Variants in AASDH observed in about 807,000 individuals in gnomAD.
The protein encoded by AASDH is beta-alanine-activating enzyme.
AASDH carries 81 observed loss-of-function variants against 102.3 expected under a neutral mutation model. That is an observed-to-expected ratio of 0.79 (90% CI 0.66 to 0.95). The LOEUF is 0.95. Ranked by LOEUF, AASDH falls within the 40% of genes least tolerant of loss-of-function variation. The probability of loss-of-function intolerance (pLI) is 0.00; values close to 1 mark genes in which losing one functional copy is unlikely to be tolerated. For missense variants in AASDH, 1,203 were observed against 1,266.2 expected, an observed-to-expected ratio of 0.95 and a Z score of 0.76; for synonymous variants, 398 against 454.0, an observed-to-expected ratio of 0.88 and a Z score of 1.57.
intron 12 of AASDH, among the ~76,000 whole-genome samples, 183 bp downstream of exon 12, chr4:56,344,944 T>C (rs12512742): frequency 0.16 from 23,195 of 145,876 alleles, 2,078 homozygotes; most frequent in Admixed American, 0.3. Flanking sequence ...TTCTTTCTTT[T>C]TTTTTTTTTT....
Position 56,354,032 on chromosome 4 carries a change from G to A in AASDH, c.1383+7C>T. The A allele has an allele frequency of 6.2e-7, 1 of 1,602,968 alleles. No homozygotes were observed. The highest frequency in any genetic ancestry group is 1.1e-5 in the South Asian group (1 of 88,212). On this transcript the variant is annotated splice_region_variant and intron_variant, in intron 8 of 14. Transcript: ENST00000205214. ...TTAATAGATATTCAATATTTAAATA[G>A]TTCTACCTGTTGCACAAGTTCAATG...
Position 56,387,389 on chromosome 4 carries a change from T to G in AASDH, c.-70A>C, listed in dbSNP as rs1053155645. 6.6e-6 allele frequency: 1 copy of G among 152,336 alleles called. No homozygotes were observed. The highest frequency in any genetic ancestry group is 2.1e-4 in the South Asian group (1 of 4,840). 9.4% of individuals were successfully genotyped at this position (152,336 alleles called of 1,614,324 possible). A position where few individuals can be genotyped will look rare whatever the true frequency, so the allele number is the denominator to read the frequency against. On this transcript the variant is annotated 5_prime_UTR_variant, in exon 1 of 15. Coordinates refer to ENST00000205214, the MANE Select transcript of AASDH (RefSeq NM_181806.4). ...AGCAAGTCTCGCGGATTAGGTTTGATCGCATTCGGCCCTTTCCCGGATAGC... is the reference window on the plus strand; with the variant it reads ...AGCAAGTCTCGCGGATTAGGTTTGAGCGCATTCGGCCCTTTCCCGGATAGC...
At chr4:56,364,884 TA>T (rs2109943441) in intron 5 of AASDH, among the ~76,000 whole-genome samples, 1 of 152,322 alleles carries the variant, frequency 6.6e-6, no homozygotes, top group African/African-American at 2.4e-5. Context: ...ACCTGAAATG[TA>T]AATGGGCTAA....
intron 1 of AASDH, among the ~76,000 whole-genome samples, chr4:56,386,442 A>G (rs1051444769): frequency 6.6e-6 from 1 of 152,236 alleles, no homozygotes; most frequent in African/African-American, 2.4e-5. Context: ...ATCACAAATA[A>G]CATTCTCTGC....
intron 2 of AASDH, among the ~76,000 whole-genome samples, chr4:56,383,453 T>G (rs1178654384): frequency 6.6e-6 from 1 of 152,194 alleles, no homozygotes; most frequent in Non-Finnish European, 1.5e-5. Context: ...GCTTTATATT[T>G]ATATAATTAA....
chr4:56,366,968 A>G (rs1201392768), intron 5 of AASDH, among the ~76,000 whole-genome samples: 1 of 152,154 alleles, frequency 6.6e-6, no homozygotes, highest in Non-Finnish European at 1.5e-5. Flanking sequence ...ATATCCAGAA[A>G]ACCCCATCGT....
intron 12 of AASDH, 99 bp downstream of exon 12, chr4:56,345,028 A>T (rs1577960775): frequency 3.1e-6 from 4 of 1,305,920 alleles, no homozygotes; most frequent in Non-Finnish European, 4.2e-6. Context: ...TGCAACCTCC[A>T]CCTCCCAGGT....
chr4:56,354,947 A>G (rs1749423222), intron 6 of AASDH, 136 bp from the exon 7 acceptor site: 1 of 852,378 alleles, frequency 1.2e-6, no homozygotes, highest in Admixed American at 3.4e-5. Flanking sequence ...ACAAGAGGAA[A>G]AGGTTAGGTG....
chr4:56,342,828 C>T lies in AASDH; in HGVS notation c.2907+7G>A, dbSNP rs778877924. Reference sequence around the variant, plus strand: ...ATGTATATATAAAAAATTTCTAGTTCTATTACCTGTTCTCCAAAGTGAGTA... The same window carrying T: ...ATGTATATATAAAAAATTTCTAGTTTTATTACCTGTTCTCCAAAGTGAGTA... On this transcript the variant is annotated splice_region_variant and intron_variant, in intron 14 of 14. Coordinates refer to ENST00000205214, the MANE Select transcript of AASDH (RefSeq NM_181806.4). 7.4e-7 allele frequency: 1 copy of T among 1,345,334 alleles called. No homozygotes were observed. Among genetic ancestry groups the T allele is most frequent in the African/African-American group, 1.5e-5 (1 of 66,162 alleles). 83.3% of individuals were successfully genotyped at this position (1,345,334 alleles called of 1,614,324 possible).
chr4:56,366,237 G>C (rs58835787), intron 5 of AASDH, among the ~76,000 whole-genome samples: 15,903 of 151,802 alleles, frequency 0.1, 1,054 homozygotes, highest in East Asian at 0.25. Flanking sequence ...AATAGCCTAC[G>C]AACCAAAAAA....
chr4:56,344,943 T>TCC (rs200797959), intron 12 of AASDH, among the ~76,000 whole-genome samples, 184 bp downstream of exon 12: 1 of 137,106 alleles, frequency 7.3e-6, no homozygotes, highest in African/African-American at 2.7e-5. Flanking sequence ...TTTCTTTCTT[T>TCC]TTTTTTTTTT....
chr4:56,338,716 C>CA lies in AASDH; in HGVS notation c.2982dup (p.Gly995TrpfsTer4), dbSNP rs1339627689. ...CAGTAGATAAAGCAATCATGGGAACCAAAAAATATTTTTTGCTCTGATGGT... is the reference window on the plus strand; with the variant it reads ...CAGTAGATAAAGCAATCATGGGAACCAAAAAAATATTTTTTGCTCTGATGGT... On this transcript the variant is annotated frameshift_variant, in exon 15 of 15. Coordinates refer to ENST00000205214, the MANE Select transcript of AASDH (RefSeq NM_181806.4). LOFTEE classifies it high-confidence loss of function. The CA allele has an allele frequency of 3.1e-6, 5 of 1,613,906 alleles. No homozygotes were observed. In the African/African-American group the frequency reaches 4.0e-5, roughly 13 times the overall value.
intron 3 of AASDH, chr4:56,381,649 T>TCTCACACACACACACACA (rs3223650): frequency 0.11 from 15,188 of 142,098 alleles, 980 homozygotes; most frequent in Admixed American, 0.11. Flanking sequence ...TTGACACTTC[T>TCTCACACACACACACACA]CACACACACA....
At position 56,349,712 on chromosome 4, in the gene AASDH, A is replaced by G. The variant is rs1748761400; in HGVS notation, c.2039T>C (p.Val680Ala). 6.2e-7 allele frequency: 1 copy of G among 1,614,080 alleles called. No individual in the cohort carries two copies. The highest frequency in any genetic ancestry group is 1.1e-5 in the South Asian group (1 of 91,084). Residue 680 changes from valine to alanine, a missense_variant, in exon 11 of 15, where the codon GTA (valine) becomes GCA (alanine). Coordinates refer to ENST00000205214, the MANE Select transcript of AASDH (RefSeq NM_181806.4). Reference protein sequence around the residue: ...TCHNEINAFVVLSRGSQILSL... With the variant: ...TCHNEINAFVALSRGSQILSL... ...CAAAATTTGACTCCCTCTGCTCAGT[A>G]CAACAAAAGCATTAATCTCATTGTG...
rs1753110212 is a variant in AASDH, at chr4:56,382,599, T to C, written c.231-2A>G. ...TAAGCAGCCGGGACTTGGAGAATTC[T>C]AAAGAAAAAAGTACACAGTCAGCAT... On this transcript the variant is annotated splice_acceptor_variant, in intron 2 of 14. Transcript: ENST00000205214. LOFTEE classifies it high-confidence loss of function. 6.2e-7 allele frequency: 1 copy of C among 1,604,888 alleles called. No homozygotes were observed. The highest frequency in any genetic ancestry group is 8.5e-7 in the Non-Finnish European group (1 of 1,177,684).
At chr4:56,377,691 G>C (rs1287425523) in intron 4 of AASDH, among the ~76,000 whole-genome samples, 1 of 152,182 alleles carries the variant, frequency 6.6e-6, no homozygotes, top group Admixed American at 6.5e-5. Flanking sequence ...CTAAAGTTCA[G>C]ATACAGCTGA....
intron 1 of AASDH, among the ~76,000 whole-genome samples, chr4:56,385,485 C>T (rs1454304832): frequency 6.6e-6 from 1 of 152,078 alleles, no homozygotes; most frequent in African/African-American, 2.4e-5. Flanking sequence ...TCGGGATCAA[C>T]GGTAAAAAAA....
chr4:56,351,710 T>A (rs1215542918), intron 9 of AASDH, among the ~76,000 whole-genome samples: 2 of 152,000 alleles, frequency 1.3e-5, no homozygotes, highest in African/African-American at 4.8e-5. Flanking sequence ...GGTGGGAGGA[T>A]CGCTTGAGGC....
chr4:56,375,079 C>CT (rs879602905), intron 4 of AASDH, among the ~76,000 whole-genome samples: 140 of 145,790 alleles, frequency 9.6e-4, no homozygotes, highest in East Asian at 5.2e-3. Context: ...TCAGCTTTGT[C>CT]TTTTTTTTTT....
Sources: allele counts gnomAD v4.1 joint callset (sites outside exome capture counted in the v4.1 genomes callset), GRCh38; gene constraint gnomAD v4.1.1; transcripts MANE v1.5; gene names NCBI Gene and HGNC (gene_info 2026-07-23, HGNC 2026-07-21).